ASAP2: variants seen among roughly 807,000 people sequenced by gnomAD.
The protein encoded by ASAP2 is arf-GAP with SH3 domain, ANK repeat and PH domain-containing protein 2.
A neutral mutation model predicts 131.4 loss-of-function variants in ASAP2; 45 were observed. The observed-to-expected ratio is 0.34, with a 90% CI of 0.27 to 0.44. The LOEUF is 0.44. Among genes scored for constraint, ASAP2 ranks in the 20% least tolerant of loss-of-function variants. The probability of loss-of-function intolerance (pLI) is 1.00; values close to 1 mark genes in which losing one functional copy is unlikely to be tolerated. For missense variants in ASAP2, 1,011 were observed against 1,297.0 expected (o/e 0.78, Z 3.39); for synonymous variants, 510 against 503.0 (o/e 1.01, Z -0.19).
intron 24 of ASAP2, among the ~76,000 whole-genome samples, chr2:9,394,566 T>C (rs967266121): frequency 2.8e-4 from 43 of 152,176 alleles, no homozygotes; most frequent in Admixed American, 1.7e-3. Flanking sequence ...GGAGAGTCAC[T>C]GCTCCCACAC....
At chr2:9,305,049 A>G (rs1268237209) in intron 3 of ASAP2, among the ~76,000 whole-genome samples, 1 of 117,190 alleles carries the variant, frequency 8.5e-6, no homozygotes, top group Non-Finnish European at 1.6e-5. Context: ...AGGTATAGAT[A>G]TTGGTGGAGG....
At chr2:9,296,423 C>T (rs1050669593) in intron 2 of ASAP2, among the ~76,000 whole-genome samples, 13 of 152,160 alleles carry the variant, frequency 8.5e-5, no homozygotes, top group Admixed American at 3.3e-4. Context: ...TGGCGTCCAG[C>T]AGGGATTGAG....
At chr2:9,270,966 T>G (rs1343760211) in intron 1 of ASAP2, among the ~76,000 whole-genome samples, 1 of 151,446 alleles carries the variant, frequency 6.6e-6, no homozygotes, top group African/African-American at 2.4e-5. Flanking sequence ...CTAATTTTTT[T>G]GTATTTTTAG....
At chr2:9,211,684 G>A (rs890337922) in intron 1 of ASAP2, among the ~76,000 whole-genome samples, 1 of 152,176 alleles carries the variant, frequency 6.6e-6, no homozygotes, top group South Asian at 2.1e-4. Flanking sequence ...AACTGCAGGG[G>A]TGGGGTGAGC....
intron 15 of ASAP2, among the ~76,000 whole-genome samples, chr2:9,366,985 A>G (rs1410725853): frequency 6.6e-6 from 1 of 150,980 alleles, no homozygotes; most frequent in Non-Finnish European, 1.5e-5. Context: ...AGGCTGCAGC[A>G]GCCTCTCCCA....
At chr2:9,317,505 A>AC (rs1359185212) in intron 3 of ASAP2, among the ~76,000 whole-genome samples, 2 of 140,050 alleles carry the variant, frequency 1.4e-5, no homozygotes, top group African/African-American at 5.4e-5. Flanking sequence ...ACCCACTTAC[A>AC]CCCCCACAAT....
chr2:9,334,469 T>C (rs1044228147), intron 7 of ASAP2, among the ~76,000 whole-genome samples: 53 of 152,208 alleles, frequency 3.5e-4, no homozygotes, highest in African/African-American at 1.2e-3. Flanking sequence ...TCTCCCGTTA[T>C]AAACTGAAAC....
intron 1 of ASAP2, among the ~76,000 whole-genome samples, chr2:9,211,381 T>C (rs1199397828): frequency 6.6e-6 from 1 of 151,964 alleles, no homozygotes; most frequent in African/African-American, 2.4e-5. Flanking sequence ...TTTTTGTTCC[T>C]TTTTTTTCTT....
chr2:9,226,405 A>G (rs1157401643), intron 1 of ASAP2, among the ~76,000 whole-genome samples: 1 of 152,202 alleles, frequency 6.6e-6, no homozygotes, highest in Non-Finnish European at 1.5e-5. Context: ...AGAACTCGGC[A>G]TGGGTCTACT....
At chr2:9,373,480 G>A (rs1674144080) in intron 16 of ASAP2, among the ~76,000 whole-genome samples, 1 of 152,202 alleles carries the variant, frequency 6.6e-6, no homozygotes, top group Non-Finnish European at 1.5e-5. Flanking sequence ...ATCTTAGGCT[G>A]GCCCATCTTC....
chr2:9,264,970 T>A (rs1054888289), intron 1 of ASAP2, among the ~76,000 whole-genome samples: 2 of 152,060 alleles, frequency 1.3e-5, no homozygotes, highest in African/African-American at 4.8e-5. Context: ...GAGACGTCTC[T>A]GCAAAAAATT....
At chr2:9,303,919 C>A (rs189848442) in intron 3 of ASAP2, among the ~76,000 whole-genome samples, 5 of 152,332 alleles carry the variant, frequency 3.3e-5, no homozygotes, top group Admixed American at 3.3e-4. Context: ...GGAGAACTCA[C>A]AGAGACGAGG....
chr2:9,405,581 C>T lies in ASAP2; in HGVS notation c.*2254C>T, dbSNP rs1677157630. On this transcript the variant is annotated 3_prime_UTR_variant, in exon 28 of 28. Coordinates refer to ENST00000281419, the MANE Select transcript of ASAP2 (RefSeq NM_003887.3). ...ACCGAAATTGATTATTTTCATTGTC[C>T]TTAATGCAGTGATTTATAATTAGAG... 6.6e-6 allele frequency: 1 copy of T among 152,552 alleles called. No individual in the cohort carries two copies. The highest frequency in any genetic ancestry group is 6.5e-5 in the Admixed American group (1 of 15,278). The allele number at this position is 152,552 out of a possible 1,614,324, so 9.4% of individuals were successfully genotyped here. A position where few individuals can be genotyped will look rare whatever the true frequency, so the allele number is the denominator to read the frequency against.
At chr2:9,368,368 G>A (rs1444914171) in intron 15 of ASAP2, 57 bp from the exon 16 acceptor site, 2 of 1,436,114 alleles carry the variant, frequency 1.4e-6, no homozygotes, top group Non-Finnish European at 2.0e-6. Flanking sequence ...TGGGTAATGT[G>A]TAGCAGTAGA....
intron 7 of ASAP2, among the ~76,000 whole-genome samples, chr2:9,332,569 C>T (rs1175147273): frequency 2.6e-5 from 4 of 152,230 alleles, no homozygotes; most frequent in African/African-American, 9.6e-5. Context: ...TCTCTGAGCA[C>T]TTGATTCCAC....
At chr2:9,399,797 G>A (rs1676471474) in intron 24 of ASAP2, 2 of 571,246 alleles carry the variant, frequency 3.5e-6, no homozygotes, top group Admixed American at 3.1e-5. Context: ...TGGACAGAGT[G>A]CTCTGGAAAA....
intron 6 of ASAP2, among the ~76,000 whole-genome samples, chr2:9,324,148 A>G (rs1473827557): frequency 1.3e-5 from 2 of 152,250 alleles, no homozygotes; most frequent in Non-Finnish European, 2.9e-5. Context: ...CCTCTGAGCA[A>G]TCAACAACAA....
rs150726596 is a variant in ASAP2, at chr2:9,281,419, G to T, written c.199+2030G>T. ...TGAAGGGAGAAGGCGCTAGTGCTTC[G>T]GTGTCAGGAAGCTGGCCTGCAGGAA... On this transcript the variant is annotated intron_variant, in intron 2 of 27. Coordinates refer to ENST00000281419, the MANE Select transcript of ASAP2 (RefSeq NM_003887.3). The surrounding 1 kb of genome is among the most constrained non-coding windows in gnomAD (Gnocchi z 4.0). 1.2e-3 allele frequency among the ~76,000 whole-genome samples: 182 copies of T among 152,268 alleles called. No individual in the cohort carries two copies. The highest frequency in any genetic ancestry group is 4.1e-3 in the African/African-American group (172 of 41,536).
At chr2:9,298,759 G>GC (rs1668307432) in intron 3 of ASAP2, among the ~76,000 whole-genome samples, 1 of 152,194 alleles carries the variant, frequency 6.6e-6, no homozygotes, top group Non-Finnish European at 1.5e-5. Context: ...AAGTCAGTTG[G>GC]CTGCCTGCTC....
Sources: gnomAD v4.1 joint callset for allele counts (sites outside exome capture counted in the v4.1 genomes callset) on GRCh38, gnomAD v4.1.1 for gene constraint, Gnocchi (gnomAD v3.1) non-coding constraint, MANE v1.5 for transcripts, NCBI Gene and HGNC (gene_info 2026-07-23, HGNC 2026-07-21) for gene names.